The following FRS2 variants were observed in gnomAD, a reference collection of about 807,000 sequenced individuals.
FRS2 encodes the protein fibroblast growth factor receptor substrate 2, also known as FGFR signalling adaptor.
In FRS2, 8 loss-of-function variants were observed where a neutral mutation model predicts 43.9. That is an observed-to-expected ratio of 0.18 (90% CI 0.11 to 0.33). The LOEUF (loss-of-function observed/expected upper bound fraction) is 0.33, where lower values mean the gene tolerates loss of function less well. Ranked by LOEUF, FRS2 falls within the 10% of genes least tolerant of loss-of-function variation. The pLI is 1.00. For synonymous variants in FRS2, 219 were observed against 220.3 expected (o/e 0.99, Z 0.05); for missense variants, 534 against 627.6 (o/e 0.85, Z 1.59).
intron 3 of FRS2, among the ~76,000 whole-genome samples, chr12:69,559,791 A>G (rs1239412842): frequency 6.6e-6 from 1 of 151,928 alleles, no homozygotes; most frequent in East Asian, 1.9e-4. Context: ...ATGGTTTAAA[A>G]AAAAAAAAAC....
chr12:69,553,233 G>A (rs905124694), intron 3 of FRS2, among the ~76,000 whole-genome samples: 5 of 151,790 alleles, frequency 3.3e-5, no homozygotes, highest in African/African-American at 4.8e-5. Flanking sequence ...CTCCACGCCC[G>A]GCTAATTTTT....
chr12:69,494,255 A>T (rs1335612806), intron 1 of FRS2, among the ~76,000 whole-genome samples: 3 of 152,220 alleles, frequency 2.0e-5, no homozygotes, highest in Non-Finnish European at 2.9e-5. Context: ...TACCATAATA[A>T]TTTAAAAATA....
chr12:69,568,930 T>C, intron 4 of FRS2, 75 bp from the exon 5 acceptor site: 1 of 669,882 alleles, frequency 1.5e-6, no homozygotes, highest in Non-Finnish European at 2.5e-6. Flanking sequence ...TGTTAGATGA[T>C]TTCTAAAGTC....
At chr12:69,549,131 G>A (rs949974787) in intron 3 of FRS2, among the ~76,000 whole-genome samples, 2 of 152,118 alleles carry the variant, frequency 1.3e-5, no homozygotes, top group East Asian at 1.9e-4. Context: ...CAGTTGGGTA[G>A]GTTTTAATGA....
At chr12:69,562,921 T>C (rs1879989328) in intron 4 of FRS2, among the ~76,000 whole-genome samples, 1 of 152,096 alleles carries the variant, frequency 6.6e-6, no homozygotes, top group South Asian at 2.1e-4. Context: ...ACTCCTGGGC[T>C]TAATTAAGCA....
intron 3 of FRS2, among the ~76,000 whole-genome samples, chr12:69,545,410 G>A (rs1191553990): frequency 6.6e-6 from 1 of 152,136 alleles, no homozygotes; most frequent in Non-Finnish European, 1.5e-5. Flanking sequence ...TAATCAAACA[G>A]CATGGTATTG....
intron 1 of FRS2, among the ~76,000 whole-genome samples, chr12:69,495,395 G>T (rs1434581362): frequency 6.6e-6 from 1 of 152,148 alleles, no homozygotes; most frequent in Non-Finnish European, 1.5e-5. Context: ...GGTGGGCCTA[G>T]CATTTAGCTG....
At chr12:69,478,405 A>G (rs1760361373) in intron 1 of FRS2, among the ~76,000 whole-genome samples, 1 of 152,130 alleles carries the variant, frequency 6.6e-6, no homozygotes, top group African/African-American at 2.4e-5. Context: ...TTTTTAATTG[A>G]ATTTAATTTT....
intron 3 of FRS2, among the ~76,000 whole-genome samples, chr12:69,551,050 AAAG>A (rs1878825780): frequency 6.6e-6 from 1 of 152,186 alleles, no homozygotes; most frequent in Non-Finnish European, 1.5e-5. Flanking sequence ...TCTTTAAAAA[AAAG>A]AAAAAAGAAA....
At chr12:69,547,726 ATTCC>A (rs765941621) in intron 3 of FRS2, among the ~76,000 whole-genome samples, 1 of 151,614 alleles carries the variant, frequency 6.6e-6, no homozygotes, top group Non-Finnish European at 1.5e-5. Flanking sequence ...CATGTTACTA[ATTCC>A]ATTATTAATG....
intron 1 of FRS2, among the ~76,000 whole-genome samples, chr12:69,523,338 C>T (rs1242598505): frequency 1.3e-5 from 2 of 151,806 alleles, no homozygotes; most frequent in Non-Finnish European, 2.9e-5. Context: ...TATGTAATGC[C>T]CTTGTCTTTT....
chr12:69,503,279 T>C (rs1190035181), intron 1 of FRS2, among the ~76,000 whole-genome samples: 1 of 152,198 alleles, frequency 6.6e-6, no homozygotes, highest in Non-Finnish European at 1.5e-5. Flanking sequence ...ATATCGTTTT[T>C]GTCTAATCTC....
Position 69,566,585 on chromosome 12 carries a change from C to T in FRS2, c.-26-2420C>T, listed in dbSNP as rs577441225. Reference sequence around the variant, plus strand: ...TCACGCCATAGCACTCCAGCCTGAGCAACAAGAGCGAAATTCCGTCTTGGG... The same window carrying T: ...TCACGCCATAGCACTCCAGCCTGAGTAACAAGAGCGAAATTCCGTCTTGGG... On this transcript the variant is annotated intron_variant, in intron 4 of 8. Coordinates refer to ENST00000549921, the MANE Select transcript of FRS2 (RefSeq NM_001278356.2). Among the ~76,000 whole-genome samples the T allele has an allele frequency of 2.0e-5, 3 of 150,068 alleles. No homozygotes were observed. In the East Asian group the frequency reaches 5.9e-4, roughly 30 times the overall value.
At chr12:69,573,145 T>C (rs1171750652) in intron 8 of FRS2, among the ~76,000 whole-genome samples, 1 of 152,246 alleles carries the variant, frequency 6.6e-6, no homozygotes, top group Non-Finnish European at 1.5e-5. Flanking sequence ...TGTAAATATT[T>C]TTATATTATC....
intron 3 of FRS2, among the ~76,000 whole-genome samples, chr12:69,547,642 A>G (rs550008719): frequency 3.3e-5 from 5 of 152,226 alleles, no homozygotes; most frequent in African/African-American, 1.2e-4. Context: ...TTTTGCATCT[A>G]TTTGTAAATT....
At chr12:69,474,121 G>A (rs1269137248) in intron 1 of FRS2, among the ~76,000 whole-genome samples, 2 of 152,200 alleles carry the variant, frequency 1.3e-5, no homozygotes, top group Admixed American at 6.5e-5. Context: ...GATTACAGGT[G>A]TGAGCCACTG....
chr12:69,509,464 G>A (rs1410570920), intron 1 of FRS2, among the ~76,000 whole-genome samples: 1 of 152,074 alleles, frequency 6.6e-6, no homozygotes, highest in Admixed American at 6.5e-5. Context: ...AAAATTTACG[G>A]CTACAACCAT....
chr12:69,481,719 A>G (rs1467371977), intron 1 of FRS2, among the ~76,000 whole-genome samples: 1 of 152,162 alleles, frequency 6.6e-6, no homozygotes, highest in Non-Finnish European at 1.5e-5. Context: ...ATGCAATTGA[A>G]GAGTATAGGT....
chr12:69,501,008 A>G (rs1179228542), intron 1 of FRS2, among the ~76,000 whole-genome samples: 1 of 152,214 alleles, frequency 6.6e-6, no homozygotes, highest in Non-Finnish European at 1.5e-5. Flanking sequence ...TGGATTATGC[A>G]TAATAGTACT....
Sources: allele counts gnomAD v4.1 joint callset (sites outside exome capture counted in the v4.1 genomes callset), GRCh38; gene constraint gnomAD v4.1.1; transcripts MANE v1.5; gene names NCBI Gene and HGNC (gene_info 2026-07-23, HGNC 2026-07-21).